TADA2A: variants seen among roughly 807,000 people sequenced by gnomAD.
TADA2A encodes the protein transcriptional adapter 2-alpha.
In TADA2A, 38 loss-of-function variants were observed where a neutral mutation model predicts 67.4. That is an observed-to-expected ratio of 0.56 (90% CI 0.44 to 0.74). TADA2A has a LOEUF of 0.74. TADA2A is among the 30% of genes least tolerant of loss of function. The pLI is 0.00. For missense variants in TADA2A, 454 were observed against 547.0 expected (o/e 0.83, Z 1.70); for synonymous variants, 192 against 181.6 (o/e 1.06, Z -0.46).
Position 37,440,492 on chromosome 17 carries a change from C to T in TADA2A, c.285-13C>T, listed in dbSNP as rs768600607. 8 of 1,610,156 alleles carry T rather than the reference C, an allele frequency of 5.0e-6. No homozygotes were observed. Among genetic ancestry groups the T allele is most frequent in the Non-Finnish European group, 6.8e-6 (8 of 1,178,268 alleles). On this transcript the variant is annotated splice_polypyrimidine_tract_variant and intron_variant, in intron 5 of 15. Coordinates refer to ENST00000615182, the MANE Select transcript of TADA2A (RefSeq NM_001166105.3). ...ACAAGTACCACTTCTCTCTTTTTCC[C>T]ACAATCCTCTAGGCAGGATGTAGCC...
intron 8 of TADA2A, among the ~76,000 whole-genome samples, chr17:37,450,977 C>G (rs1160614982): frequency 6.6e-6 from 1 of 152,080 alleles, no homozygotes; most frequent in Non-Finnish European, 1.5e-5. Context: ...CAAGTTTAAA[C>G]TACTGAAGTG....
At chr17:37,438,336 A>AG (rs1381479563) in intron 5 of TADA2A, among the ~76,000 whole-genome samples, 1 of 152,204 alleles carries the variant, frequency 6.6e-6, no homozygotes, top group Non-Finnish European at 1.5e-5. Context: ...CTGTTGACCT[A>AG]GGGGGCAGCA....
chr17:37,417,098 G>T (rs986621671), intron 2 of TADA2A, among the ~76,000 whole-genome samples: 1 of 151,826 alleles, frequency 6.6e-6, no homozygotes, highest in Non-Finnish European at 1.5e-5. Context: ...ACATACAAAA[G>T]ACCGGGCACA....
rs1031170573 is a variant in TADA2A, at chr17:37,415,890, A to G, written c.25+4500A>G. On this transcript the variant is annotated intron_variant, in intron 2 of 15. Coordinates refer to ENST00000615182, the MANE Select transcript of TADA2A (RefSeq NM_001166105.3). ...ACTCCTTCTCAAAAAAAAAAAAAAA[A>G]AAGTGTCTATATTCCCACAGCCTGA... Among the ~76,000 whole-genome samples the G allele has an allele frequency of 5.4e-3, 816 of 151,458 alleles. 5 individuals carry two copies. Among genetic ancestry groups the G allele is most frequent in the African/African-American group, 0.017 (701 of 41,240 alleles).
intron 5 of TADA2A, among the ~76,000 whole-genome samples, chr17:37,439,019 T>G (rs941649192): frequency 6.6e-6 from 1 of 152,148 alleles, no homozygotes; most frequent in African/African-American, 2.4e-5. Context: ...CAGTGATGCC[T>G]TAGGGGAGGT....
In TADA2A at chr17:37,479,023, T is replaced by A. The variant is rs1212884017; in HGVS notation, c.*2041T>A. The A allele has an allele frequency of 6.6e-6, 1 of 152,222 alleles. No individual in the cohort carries two copies. Among genetic ancestry groups the A allele is most frequent in the Admixed American group, 6.5e-5 (1 of 15,280 alleles). The allele number at this position is 152,222 out of a possible 1,614,324, so 9.4% of individuals were successfully genotyped here. On this transcript the variant is annotated 3_prime_UTR_variant, in exon 16 of 16. Transcript: ENST00000615182. ...CTTATCCCTGAAAGGAAACTCCTGT[T>A]CTGAAAAGTTGGGATGCATTAGCCA...
chr17:37,413,746 C>T (rs1462553710), intron 2 of TADA2A, among the ~76,000 whole-genome samples: 1 of 150,740 alleles, frequency 6.6e-6, no homozygotes, highest in South Asian at 2.1e-4. Context: ...AAAGATGATT[C>T]CCCCCCCACC....
At chr17:37,456,478 G>A (rs1258182574) in intron 8 of TADA2A, among the ~76,000 whole-genome samples, 4 of 152,208 alleles carry the variant, frequency 2.6e-5, no homozygotes, top group Non-Finnish European at 5.9e-5. Context: ...TAGGGAATAG[G>A]ATTAGGGATG....
intron 14 of TADA2A, among the ~76,000 whole-genome samples, chr17:37,472,628 G>T (rs1227431715): frequency 6.6e-6 from 1 of 151,708 alleles, no homozygotes; most frequent in Non-Finnish European, 1.5e-5. Flanking sequence ...AGGCTGAGGC[G>T]GGCAGATCAC....
chr17:37,417,511 A>T (rs1391344730), intron 2 of TADA2A, among the ~76,000 whole-genome samples: 2 of 152,150 alleles, frequency 1.3e-5, no homozygotes, highest in African/African-American at 4.8e-5. Flanking sequence ...AATAAAATAC[A>T]TAAGACAATA....
At chr17:37,448,668 C>A (rs2053149614) in intron 8 of TADA2A, among the ~76,000 whole-genome samples, 1 of 152,104 alleles carries the variant, frequency 6.6e-6, no homozygotes, top group East Asian at 1.9e-4. Context: ...ATCCTAAAGT[C>A]CTGGTTGTAA....
At position 37,471,141 on chromosome 17, in the gene TADA2A, A is replaced by G; in HGVS notation, c.1072+4A>G. 1 of 1,613,924 alleles carries G rather than the reference A, an allele frequency of 6.2e-7. No individual in the cohort carries two copies. The highest frequency in any genetic ancestry group is 8.5e-7 in the Non-Finnish European group (1 of 1,179,910). On this transcript the variant is annotated splice_donor_region_variant and intron_variant, in intron 14 of 15. Transcript: ENST00000615182. The stretch of plus-strand genomic sequence containing the variant: ...ATTCCAATGGCTTCGAATTCAGGTA[A>G]TTATTTCTCAGGCCAGAACAAGTCT...
At chr17:37,468,621 C>T (rs1335929296) in intron 12 of TADA2A, among the ~76,000 whole-genome samples, 2 of 152,020 alleles carry the variant, frequency 1.3e-5, no homozygotes, top group African/African-American at 2.4e-5. Flanking sequence ...CCCGCCTAGG[C>T]CTCTCAGAGT....
intron 2 of TADA2A, among the ~76,000 whole-genome samples, chr17:37,415,735 T>C (rs1374896528): frequency 6.6e-6 from 1 of 151,434 alleles, no homozygotes; most frequent in Non-Finnish European, 1.5e-5. Context: ...TTAGCTGGGC[T>C]TGGTGGTACG....
At position 37,444,773 on chromosome 17, in the gene TADA2A, C is replaced by G. The variant is rs1442693359; in HGVS notation, c.604+5C>G. ...ATGACTCGGACATTTTACATGGTAA[C>G]AGTTTATTTTGTCAAATGTTTATCG... On this transcript the variant is annotated splice_donor_5th_base_variant and intron_variant, in intron 8 of 15. Coordinates refer to ENST00000615182, the MANE Select transcript of TADA2A (RefSeq NM_001166105.3). 1 of 1,613,224 alleles carries G rather than the reference C, an allele frequency of 6.2e-7. No homozygotes were observed. The highest frequency in any genetic ancestry group is 1.3e-5 in the African/African-American group (1 of 74,858).
At chr17:37,436,665 TTA>T (rs1206797002) in intron 4 of TADA2A, among the ~76,000 whole-genome samples, 2 of 151,918 alleles carry the variant, frequency 1.3e-5, no homozygotes, top group African/African-American at 4.9e-5. Context: ...AGCCTAAAGT[TTA>T]ATATTATACT....
chr17:37,454,201 C>G (rs1192157883), intron 8 of TADA2A: 3 of 154,488 alleles, frequency 1.9e-5, no homozygotes, highest in African/African-American at 4.8e-5. Context: ...TCAGCAGGTA[C>G]AAGATCTACC....
At chr17:37,448,291 C>T (rs913547317) in intron 8 of TADA2A, among the ~76,000 whole-genome samples, 20 of 152,122 alleles carry the variant, frequency 1.3e-4, no homozygotes, top group African/African-American at 4.6e-4. Context: ...ATTTGGTTTG[C>T]ATGGTTCATT....
At chr17:37,423,346 T>C (rs2052303033) in intron 2 of TADA2A, among the ~76,000 whole-genome samples, 163 bp from the exon 3 acceptor site, 1 of 152,218 alleles carries the variant, frequency 6.6e-6, no homozygotes, top group East Asian at 1.9e-4. Context: ...GTTAAAAGGA[T>C]CATAATTTTT....
Sources: allele counts gnomAD v4.1 joint callset (sites outside exome capture counted in the v4.1 genomes callset), GRCh38; gene constraint gnomAD v4.1.1; transcripts MANE v1.5; gene names NCBI Gene and HGNC (gene_info 2026-07-23, HGNC 2026-07-21).